The following NUMB variants were observed in gnomAD, a reference collection of about 807,000 sequenced individuals.
NUMB encodes the protein protein numb homolog.
A neutral mutation model predicts 59.7 loss-of-function variants in NUMB; 29 were observed. The ratio of observed to expected loss-of-function variants is 0.49; its 90% CI spans 0.36 to 0.66. NUMB has a LOEUF of 0.66. Among genes scored for constraint, NUMB ranks in the 30% least tolerant of loss-of-function variants. NUMB has a pLI of 0.00. For synonymous variants in NUMB, 288 were observed against 288.2 expected, an observed-to-expected ratio of 1.00 and a Z score of 0.01; for missense variants, 723 against 822.0, an observed-to-expected ratio of 0.88 and a Z score of 1.47.
At chr14:73,375,609 G>C (rs890211893) in intron 2 of NUMB, among the ~76,000 whole-genome samples, 4 of 152,058 alleles carry the variant, frequency 2.6e-5, no homozygotes, top group African/African-American at 9.7e-5. Context: ...CTGAGTATTT[G>C]ATCAGCATGC....
chr14:73,456,054 G>C (rs756969898), intron 1 of NUMB, among the ~76,000 whole-genome samples: 1 of 151,748 alleles, frequency 6.6e-6, no homozygotes, highest in African/African-American at 2.4e-5. Flanking sequence ...ACAAACACAG[G>C]AGGAACCAAA....
In NUMB at chr14:73,437,060, T is replaced by G. The variant is rs1566796781; in HGVS notation, c.-233+21433A>C. 2.3e-5 allele frequency among the ~76,000 whole-genome samples: 3 copies of G among 132,696 alleles called. No homozygotes were observed. In the East Asian group the frequency reaches 5.9e-4, roughly 26 times the overall value. 87.1% of individuals were successfully genotyped at this position (132,696 alleles called of 152,430 possible). A position where few individuals can be genotyped will look rare whatever the true frequency, so the allele number is the denominator to read the frequency against. On this transcript the variant is annotated intron_variant, in intron 1 of 12. Transcript: ENST00000555238. ...CTCTCTCTTTTTTTTTTTTTTTTTT[T>G]TTGTTGAGACAGGGTCTTGCTGTTG...
intron 2 of NUMB, among the ~76,000 whole-genome samples, chr14:73,386,563 C>T (rs1041342707): frequency 6.6e-6 from 1 of 152,132 alleles, no homozygotes; most frequent in Non-Finnish European, 1.5e-5. Flanking sequence ...CTGGTAAGCA[C>T]ATACCACAAA....
At chr14:73,407,728 T>G (rs1896732956) in intron 2 of NUMB, among the ~76,000 whole-genome samples, 1 of 152,242 alleles carries the variant, frequency 6.6e-6, no homozygotes, top group South Asian at 2.1e-4. Context: ...CTTCTGGGTC[T>G]TCTGCTTCCT....
intron 2 of NUMB, among the ~76,000 whole-genome samples, chr14:73,383,682 C>A (rs1895358458): frequency 6.6e-6 from 1 of 152,114 alleles, no homozygotes; most frequent in African/African-American, 2.4e-5. Context: ...AAGCATCTTA[C>A]TGAAAACTGC....
At chr14:73,387,157 C>CA (rs1895582644) in intron 2 of NUMB, among the ~76,000 whole-genome samples, 1 of 151,962 alleles carries the variant, frequency 6.6e-6, no homozygotes, top group South Asian at 2.1e-4. Flanking sequence ...GCTGGGATTA[C>CA]AGGCGTGAGC....
Position 73,445,603 on chromosome 14 carries a change from T to C in NUMB, c.-233+12890A>G, listed in dbSNP as rs551261989. Among the ~76,000 whole-genome samples the C allele has an allele frequency of 2.0e-5, 3 of 152,222 alleles. No homozygotes were observed. In the South Asian group the frequency reaches 6.2e-4, roughly 32 times the overall value. On this transcript the variant is annotated intron_variant, in intron 1 of 12. Coordinates refer to ENST00000555238, the MANE Select transcript of NUMB (RefSeq NM_001005743.2). ...GAAAGTTTTTTACCTCCCACCTGCTTCGGTAAAAATGCTGGGTCCTTGCAA... is the reference window on the plus strand; with the variant it reads ...GAAAGTTTTTTACCTCCCACCTGCTCCGGTAAAAATGCTGGGTCCTTGCAA...
chr14:73,342,144 G>A (rs190766015), intron 4 of NUMB, among the ~76,000 whole-genome samples: 11 of 152,276 alleles, frequency 7.2e-5, no homozygotes, highest in Admixed American at 5.2e-4. Flanking sequence ...TGATCCTCCC[G>A]CCTCGGCCTC....
At chr14:73,420,077 G>C (rs995265009) in intron 1 of NUMB, among the ~76,000 whole-genome samples, 1 of 152,180 alleles carries the variant, frequency 6.6e-6, no homozygotes, top group South Asian at 2.1e-4. Flanking sequence ...TGTTGGCCAA[G>C]CTGGTCTTCC....
chr14:73,291,920 G>A (rs750148289), intron 8 of NUMB, among the ~76,000 whole-genome samples: 26 of 150,908 alleles, frequency 1.7e-4, no homozygotes, highest in African/African-American at 4.6e-4. Flanking sequence ...TCCTGACCTC[G>A]TGATCCGCCT....
At chr14:73,287,860 C>A (rs2139818635) in intron 8 of NUMB, among the ~76,000 whole-genome samples, 1 of 152,230 alleles carries the variant, frequency 6.6e-6, no homozygotes, top group South Asian at 2.1e-4. Context: ...TTGTAAGCAG[C>A]CATGGAGAAC....
intron 4 of NUMB, among the ~76,000 whole-genome samples, chr14:73,354,488 G>A (rs1893658074): frequency 6.8e-6 from 1 of 147,550 alleles, no homozygotes. Context: ...TCCAGCCTGG[G>A]CGACACAGCA....
At chr14:73,384,889 A>ATTTT (rs143582593) in intron 2 of NUMB, among the ~76,000 whole-genome samples, 7 of 114,444 alleles carry the variant, frequency 6.1e-5, no homozygotes, top group Admixed American at 1.0e-4. Flanking sequence ...AATAACTGTA[A>ATTTT]TTTTTTTTTT....
Position 73,276,943 on chromosome 14 carries a change from G to T in NUMB, c.1591C>A (p.Pro531Thr). 1 of 1,614,166 alleles carries T rather than the reference G, an allele frequency of 6.2e-7. No homozygotes were observed. The highest frequency in any genetic ancestry group is 8.5e-7 in the Non-Finnish European group (1 of 1,180,038). Residue 531 changes from proline to threonine, a missense_variant, in exon 13 of 13, where the codon CCC becomes ACC. Pro to Thr is a conservative substitution (Grantham distance 38). This residue lies in a region of NUMB where 406 missense variants were observed against 385.4 expected (regional missense o/e 1.05). Coordinates refer to ENST00000555238, the MANE Select transcript of NUMB (RefSeq NM_001005743.2). ...APNVPVVGITPSQMVANVFGT... is the reference protein window; with the variant it reads ...APNVPVVGITTSQMVANVFGT... ...AATACGTTGGCCACCATCTGGGAGG[G>T]AGTGATGCCCACCACAGGCACATTA...
chr14:73,327,477 G>C (rs376796413), intron 4 of NUMB, among the ~76,000 whole-genome samples: 123 of 152,096 alleles, frequency 8.1e-4, no homozygotes, highest in African/African-American at 2.7e-3. Flanking sequence ...GGCTGGTCTC[G>C]ATCTCTTGAC....
intron 2 of NUMB, among the ~76,000 whole-genome samples, chr14:73,385,238 C>A (rs1451557645): frequency 1.3e-5 from 2 of 151,090 alleles, no homozygotes; most frequent in Admixed American, 1.3e-4. Flanking sequence ...TAGCTCACTG[C>A]AGCCTTGACC....
chr14:73,385,586 C>T (rs1326383238), intron 2 of NUMB, among the ~76,000 whole-genome samples: 1 of 145,608 alleles, frequency 6.9e-6, no homozygotes, highest in Non-Finnish European at 1.5e-5. Flanking sequence ...ACGGTAACCT[C>T]CGCCTCCCAG....
chr14:73,352,807 G>C (rs1468073031), intron 4 of NUMB, among the ~76,000 whole-genome samples: 1 of 149,262 alleles, frequency 6.7e-6, no homozygotes, highest in African/African-American at 2.5e-5. Context: ...CTCCCAAAGT[G>C]CTGGGATTAC....
intron 4 of NUMB, among the ~76,000 whole-genome samples, chr14:73,342,933 C>T (rs1213134530): frequency 1.3e-5 from 2 of 152,080 alleles, no homozygotes; most frequent in Non-Finnish European, 2.9e-5. Context: ...CGGCCTCTAC[C>T]TCCTTACCTC....
Sources: gnomAD v4.1 joint callset for allele counts (sites outside exome capture counted in the v4.1 genomes callset) on GRCh38, gnomAD v4.1.1 for gene constraint, gnomAD v4.1.1 regional missense constraint, MANE v1.5 for transcripts, NCBI Gene and HGNC (gene_info 2026-07-23, HGNC 2026-07-21) for gene names.